PCDH7: variants seen among roughly 807,000 people sequenced by gnomAD.
PCDH7 encodes the protein protocadherin 7.
Under a neutral mutation model 58.9 loss-of-function variants are expected in PCDH7, and 17 were observed. The observed-to-expected ratio is 0.29, with a 90% CI of 0.20 to 0.43. The LOEUF (loss-of-function observed/expected upper bound fraction) is 0.43. Ranked by LOEUF, PCDH7 falls within the 20% of genes least tolerant of loss-of-function variation. PCDH7 has a pLI of 1.00. For synonymous variants in PCDH7, 664 were observed against 616.4 expected (o/e 1.08, Z -1.14); for missense variants, 1,274 against 1,441.0 (o/e 0.88, Z 1.88).
At chr4:31,129,478 A>G (rs931696036) in intron 3 of PCDH7, among the ~76,000 whole-genome samples, 17 of 152,150 alleles carry the variant, frequency 1.1e-4, no homozygotes, top group African/African-American at 4.1e-4. Context: ...GCAAATGGCA[A>G]CATGTGAGAT....
chr4:30,966,536 A>G (rs1042658829), intron 3 of PCDH7, among the ~76,000 whole-genome samples: 2 of 152,110 alleles, frequency 1.3e-5, no homozygotes, highest in African/African-American at 4.8e-5. Context: ...TATGAAAGTA[A>G]AGGAAGAGAA....
chr4:30,943,545 A>G (rs915884845), intron 2 of PCDH7, among the ~76,000 whole-genome samples: 1 of 152,112 alleles, frequency 6.6e-6, no homozygotes, highest in African/African-American at 2.4e-5. Context: ...ATCATGCTAT[A>G]TCTAGCCATG....
intron 3 of PCDH7, among the ~76,000 whole-genome samples, chr4:31,140,991 A>C (rs771059941): frequency 2.0e-5 from 3 of 152,222 alleles, no homozygotes; most frequent in Non-Finnish European, 4.4e-5. Flanking sequence ...TAAAAATCCC[A>C]GGACGCTGTT....
chr4:30,829,941 C>T (rs1272226800), intron 1 of PCDH7, among the ~76,000 whole-genome samples: 2 of 152,134 alleles, frequency 1.3e-5, no homozygotes, highest in Non-Finnish European at 2.9e-5. Context: ...AAAAGCAGAG[C>T]AAATAGGCTA....
intron 1 of PCDH7, among the ~76,000 whole-genome samples, chr4:30,918,861 G>A (rs1349504296): frequency 1.3e-5 from 2 of 152,046 alleles, no homozygotes; most frequent in Admixed American, 6.6e-5. Flanking sequence ...GGAAGCATGT[G>A]TTTGTCTTTA....
At chr4:30,896,952 T>G (rs1293609466) in intron 1 of PCDH7, among the ~76,000 whole-genome samples, 2 of 128,568 alleles carry the variant, frequency 1.6e-5, no homozygotes, top group East Asian at 5.3e-4. Flanking sequence ...TCACCCAGGC[T>G]GGAGTGCAGT....
intron 3 of PCDH7, among the ~76,000 whole-genome samples, chr4:31,050,742 G>C (rs1756667968): frequency 6.6e-6 from 1 of 152,096 alleles, no homozygotes; most frequent in African/African-American, 2.4e-5. Context: ...ACACTCACTG[G>C]ACAAAAATTG....
chr4:31,088,771 G>A (rs139264028), intron 3 of PCDH7, among the ~76,000 whole-genome samples: 12 of 151,906 alleles, frequency 7.9e-5, no homozygotes, highest in African/African-American at 2.2e-4. Context: ...TATTTCTGCC[G>A]TTTTTTAATG....
chr4:31,025,532 G>A (rs191883954), intron 3 of PCDH7, among the ~76,000 whole-genome samples: 2 of 152,270 alleles, frequency 1.3e-5, no homozygotes, highest in East Asian at 3.9e-4. Context: ...AGATATATGA[G>A]ATTGTTTTGA....
chr4:30,758,483 C>T (rs2109265978), intron 1 of PCDH7, among the ~76,000 whole-genome samples: 1 of 152,248 alleles, frequency 6.6e-6, no homozygotes, highest in Non-Finnish European at 1.5e-5. Context: ...CAGTTACTGC[C>T]CGTAAGTTTG....
intron 3 of PCDH7, among the ~76,000 whole-genome samples, chr4:31,058,124 T>C (rs1238795314): frequency 6.6e-6 from 1 of 152,084 alleles, no homozygotes; most frequent in Non-Finnish European, 1.5e-5. Flanking sequence ...AAAATTTGGC[T>C]TCTCTGACAC....
rs542252081 is a variant in PCDH7, at chr4:31,124,974, C to T, written c.*8-17499C>T. Among the ~76,000 whole-genome samples the T allele has an allele frequency of 3.9e-5, 6 of 152,306 alleles. No homozygotes were observed. In the East Asian group the frequency reaches 1.2e-3, roughly 29 times the overall value. ...AGCATGCTGTGGTTTCCAAACATGG[C>T]TTTTCTTTCTGTGAAATGACAATAA... On this transcript the variant is annotated intron_variant, in intron 3 of 3. Transcript: ENST00000509759.
intron 3 of PCDH7, among the ~76,000 whole-genome samples, chr4:31,121,983 A>G (rs1260464793): frequency 3.9e-5 from 6 of 152,158 alleles, no homozygotes; most frequent in African/African-American, 1.4e-4. Flanking sequence ...CTGAATCACA[A>G]TGTAGCCAGA....
chr4:31,053,324 C>T (rs568943138), intron 3 of PCDH7, among the ~76,000 whole-genome samples: 4 of 152,108 alleles, frequency 2.6e-5, no homozygotes, highest in Non-Finnish European at 5.9e-5. Flanking sequence ...CATCCTGTCC[C>T]CCAAACATAA....
chr4:30,851,643 C>T lies in PCDH7; in HGVS notation c.71-68510C>T, dbSNP rs190035712. On this transcript the variant is annotated intron_variant, in intron 1 of 3. Transcript: ENST00000509759. The stretch of plus-strand genomic sequence containing the variant: ...AATTAGATCATGTATGTGAAAGATG[C>T]CTTTTGGAAATGGCATTAATAGACC... Among the ~76,000 whole-genome samples, 187 of 152,012 alleles carry T rather than the reference C, an allele frequency of 1.2e-3. 1 individual carries two copies. Among genetic ancestry groups the T allele is most frequent in the African/African-American group, 4.3e-3 (180 of 41,478 alleles).
At chr4:31,130,097 C>T (rs1478060238) in intron 3 of PCDH7, among the ~76,000 whole-genome samples, 2 of 152,158 alleles carry the variant, frequency 1.3e-5, no homozygotes, top group East Asian at 3.8e-4. Flanking sequence ...GTACCTGACA[C>T]TGCTTCTTAG....
intron 1 of PCDH7, among the ~76,000 whole-genome samples, chr4:30,851,527 A>T (rs1020734975): frequency 1.5e-4 from 23 of 151,990 alleles, no homozygotes; most frequent in Admixed American, 1.3e-4. Context: ...GCTTCATCTT[A>T]CTTCAAGGTA....
chr4:30,855,172 T>C (rs1733298019), intron 1 of PCDH7, among the ~76,000 whole-genome samples: 1 of 152,142 alleles, frequency 6.6e-6, no homozygotes, highest in African/African-American at 2.4e-5. Context: ...CATCCATGCA[T>C]TGGCAGCACT....
chr4:31,040,609 G>T (rs1046185800), intron 3 of PCDH7, among the ~76,000 whole-genome samples: 1 of 152,152 alleles, frequency 6.6e-6, no homozygotes, highest in African/African-American at 2.4e-5. Flanking sequence ...CATTTCTTGA[G>T]TTTAGGCCAG....
Sources: allele counts gnomAD v4.1 joint callset (sites outside exome capture counted in the v4.1 genomes callset), GRCh38; gene constraint gnomAD v4.1.1; transcripts MANE v1.5; gene names NCBI Gene and HGNC (gene_info 2026-07-23, HGNC 2026-07-21).